GABRG3: variants seen among roughly 807,000 people sequenced by gnomAD.
GABRG3 encodes the protein gamma-aminobutyric acid type A receptor subunit gamma3, also known as gamma-aminobutyric acid receptor subunit gamma-3.
GABRG3 carries 25 observed loss-of-function variants against 48.8 expected under a neutral mutation model. The ratio of observed to expected loss-of-function variants is 0.51; its 90% CI spans 0.37 to 0.72. GABRG3 has a LOEUF of 0.72. GABRG3 is among the 30% of genes least tolerant of loss of function. GABRG3 has a pLI of 0.00. For missense variants in GABRG3, 394 were observed against 577.9 expected (o/e 0.68, Z 3.26); for synonymous variants, 227 against 217.6 (o/e 1.04, Z -0.38).
chr15:27,013,135 T>G (rs1056144730), intron 2 of GABRG3, among the ~76,000 whole-genome samples: 1 of 152,172 alleles, frequency 6.6e-6, no homozygotes, highest in Non-Finnish European at 1.5e-5. Flanking sequence ...CTAACTACTT[T>G]AAGATACTTC....
At chr15:27,088,105 T>TTGTGTGTGTGTGTG (rs59358081) in intron 3 of GABRG3, among the ~76,000 whole-genome samples, 30 of 147,370 alleles carry the variant, frequency 2.0e-4, no homozygotes, top group Non-Finnish European at 4.2e-4. Context: ...TGTGCCGTGG[T>TTGTGTGTGTGTGTG]TGTGTGTGTG....
chr15:27,424,987 C>T (rs1299837282), intron 5 of GABRG3, among the ~76,000 whole-genome samples: 1 of 152,174 alleles, frequency 6.6e-6, no homozygotes, highest in Non-Finnish European at 1.5e-5. Flanking sequence ...AAGACTCAAC[C>T]AGTCACATTT....
intron 2 of GABRG3, among the ~76,000 whole-genome samples, chr15:26,979,389 A>C (rs974530449): frequency 3.9e-5 from 6 of 152,124 alleles, no homozygotes; most frequent in African/African-American, 1.2e-4. Flanking sequence ...GTTGAACAGC[A>C]GTGGTGTGAA....
chr15:27,106,023 T>C (rs1019234626), intron 3 of GABRG3, among the ~76,000 whole-genome samples: 2 of 152,000 alleles, frequency 1.3e-5, no homozygotes, highest in African/African-American at 4.8e-5. Flanking sequence ...ATAAGCCAGA[T>C]ACAGAAAGGA....
intron 8 of GABRG3, 107 bp downstream of exon 8, chr15:27,527,736 C>A: frequency 1.7e-6 from 2 of 1,158,940 alleles, no homozygotes; most frequent in Non-Finnish European, 2.5e-6. Context: ...AAGCATGATA[C>A]AAATACCCAG....
chr15:27,441,338 T>C (rs954779526), intron 5 of GABRG3, among the ~76,000 whole-genome samples: 2 of 152,224 alleles, frequency 1.3e-5, no homozygotes, highest in Non-Finnish European at 2.9e-5. Context: ...TTATTGATCC[T>C]TGTAAACCAC....
At chr15:27,267,542 C>T (rs1890960304) in intron 3 of GABRG3, among the ~76,000 whole-genome samples, 1 of 151,910 alleles carries the variant, frequency 6.6e-6, no homozygotes, top group South Asian at 2.1e-4. Context: ...CAGGCTCAAG[C>T]AATCCTCCCA....
rs1372906820 is a variant in GABRG3, at chr15:27,004,977, C to G, written c.203-21777C>G. Among the ~76,000 whole-genome samples, 3 of 152,114 alleles carry G rather than the reference C, an allele frequency of 2.0e-5. No homozygotes were observed. The East Asian group carries it at 5.8e-4, about 29-fold the overall frequency. On this transcript the variant is annotated intron_variant, in intron 2 of 9. Coordinates refer to ENST00000615808, the MANE Select transcript of GABRG3 (RefSeq NM_033223.5). ...AGTGGCTCCATTGGCCCATCTGGGC[C>G]TCAGCGGGGTGACTGGAAAGGCAAG...
chr15:27,351,923 TTGTG>T (rs970445730), intron 5 of GABRG3, among the ~76,000 whole-genome samples: 7 of 144,110 alleles, frequency 4.9e-5, no homozygotes, highest in East Asian at 2.1e-4. Context: ...GTGTGTGTGT[TTGTG>T]TGTGTATGGT....
chr15:27,184,111 T>C (rs1201100822), intron 3 of GABRG3, among the ~76,000 whole-genome samples: 2 of 152,168 alleles, frequency 1.3e-5, no homozygotes, highest in African/African-American at 2.4e-5. Flanking sequence ...ATCTTCACAA[T>C]GAACAATAAA....
chr15:27,098,449 C>T (rs561675341), intron 3 of GABRG3, among the ~76,000 whole-genome samples: 13 of 152,196 alleles, frequency 8.5e-5, no homozygotes, highest in African/African-American at 2.9e-4. Context: ...CCAACAACAA[C>T]AAAAATACAC....
intron 5 of GABRG3, among the ~76,000 whole-genome samples, chr15:27,331,517 C>T (rs1255804965): frequency 6.6e-6 from 1 of 152,108 alleles, no homozygotes; most frequent in Non-Finnish European, 1.5e-5. Flanking sequence ...CTGATTCCAG[C>T]TATATGATAT....
intron 5 of GABRG3, among the ~76,000 whole-genome samples, chr15:27,452,994 C>A (rs1889154143): frequency 6.6e-6 from 1 of 152,172 alleles, no homozygotes; most frequent in Non-Finnish European, 1.5e-5. Flanking sequence ...TTTGCAACAA[C>A]ATGGGATGAA....
At chr15:27,091,421 T>C (rs1056823019) in intron 3 of GABRG3, among the ~76,000 whole-genome samples, 3 of 152,210 alleles carry the variant, frequency 2.0e-5, no homozygotes, top group African/African-American at 7.2e-5. Flanking sequence ...ATAGGGGATA[T>C]TGTTCTGTCG....
chr15:27,228,816 G>C (rs560179355), intron 3 of GABRG3, among the ~76,000 whole-genome samples: 4 of 152,206 alleles, frequency 2.6e-5, no homozygotes, highest in Non-Finnish European at 5.9e-5. Context: ...CTAATAATCA[G>C]TGATGATGAG....
intron 5 of GABRG3, among the ~76,000 whole-genome samples, chr15:27,337,558 C>T (rs944518562): frequency 1.3e-5 from 2 of 152,160 alleles, no homozygotes; most frequent in East Asian, 1.9e-4. Flanking sequence ...TCAAGGCCAC[C>T]GTGCTGCTGG....
intron 5 of GABRG3, among the ~76,000 whole-genome samples, chr15:27,464,522 A>C (rs539992430): frequency 1.3e-5 from 2 of 152,306 alleles, no homozygotes; most frequent in African/African-American, 4.8e-5. Context: ...CTCTGCATTT[A>C]ATATTTTAGA....
intron 3 of GABRG3, among the ~76,000 whole-genome samples, chr15:27,220,300 C>T (rs912751788): frequency 6.6e-6 from 1 of 152,116 alleles, no homozygotes; most frequent in East Asian, 1.9e-4. Context: ...GGTTAAGGAA[C>T]CAAAGCTTTG....
intron 6 of GABRG3, among the ~76,000 whole-genome samples, chr15:27,501,230 C>T (rs533128404): frequency 9.2e-5 from 14 of 152,238 alleles, no homozygotes; most frequent in East Asian, 5.8e-4. Flanking sequence ...GGATTACAGG[C>T]GTGAGCCACC....
Sources: gnomAD v4.1 joint callset for allele counts (sites outside exome capture counted in the v4.1 genomes callset) on GRCh38, gnomAD v4.1.1 for gene constraint, MANE v1.5 for transcripts, NCBI Gene and HGNC (gene_info 2026-07-23, HGNC 2026-07-21) for gene names.